GRK1: variants seen among roughly 807,000 people sequenced by gnomAD.
GRK1 encodes rhodopsin kinase GRK1.
In GRK1, 28 loss-of-function variants were observed where a neutral mutation model predicts 41.7. The ratio of observed to expected loss-of-function variants is 0.67; its 90% CI spans 0.50 to 0.92. The LOEUF is 0.92. Among genes scored for constraint, GRK1 ranks in the 40% least tolerant of loss-of-function variants. The pLI is 0.00. For missense variants in GRK1, 703 were observed against 671.2 expected, an observed-to-expected ratio of 1.05 and a Z score of -0.52; for synonymous variants, 327 against 286.7, an observed-to-expected ratio of 1.14 and a Z score of -1.42.
Position 113,737,056 on chromosome 13 carries a change from C to T in GRK1, c.*1693C>T, listed in dbSNP as rs1225609468. 4 of 152,456 alleles carry T rather than the reference C, an allele frequency of 2.6e-5. No individual in the cohort carries two copies. Among genetic ancestry groups the T allele is most frequent in the African/African-American group, 9.6e-5 (4 of 41,472 alleles). The allele number at this position is 152,456 out of a possible 1,614,324, so 9.4% of individuals were successfully genotyped here. On this transcript the variant is annotated 3_prime_UTR_variant, in exon 7 of 7. Transcript: ENST00000335678. ...GCAGTGGGCAGGGCCTATGCCCTCA[C>T]AGTCCTCAGGCTGCCAGGTCGTCCT...
the GRK1 span, chr13:113,652,931 G>A: frequency 1.6e-3 from 2,547 of 1,614,158 alleles, 29 homozygotes; most frequent in African/African-American, 0.027. Flanking sequence ...GTTGGGATCC[G>A]CCAGGCCTGA....
intron 4 of GRK1, among the ~76,000 whole-genome samples, chr13:113,724,691 C>G (rs1036636267): frequency 6.6e-6 from 1 of 152,210 alleles, no homozygotes; most frequent in African/African-American, 2.4e-5. Flanking sequence ...TCGAAGGTCT[C>G]AAAACTTTCT....
At chr13:113,668,324 G>A (rs114916173) in intron 1 of GRK1, among the ~76,000 whole-genome samples, 1,748 of 152,334 alleles carry the variant, frequency 0.011, 35 homozygotes, top group African/African-American at 0.04. Flanking sequence ...GGGTGGGGAC[G>A]TGCCACGTTC....
chr13:113,669,906 T>A, intron 2 of GRK1, 92 bp downstream of exon 2: 1 of 1,509,218 alleles, frequency 6.6e-7, no homozygotes, highest in Non-Finnish European at 9.0e-7. Flanking sequence ...GGCAGAGCCA[T>A]GGTGGCCCCA....
chr13:113,730,538 G>A (rs991347951), intron 4 of GRK1, among the ~76,000 whole-genome samples: 3 of 148,764 alleles, frequency 2.0e-5, no homozygotes, highest in African/African-American at 2.5e-5. Flanking sequence ...CCCCCATCCC[G>A]TGACAGCCTC....
the GRK1 span, chr13:113,649,482 G>A: frequency 1.8e-4 from 275 of 1,555,410 alleles, 1 homozygote; most frequent in African/African-American, 2.3e-3. The surrounding 1 kb of genome is among the most constrained non-coding windows in gnomAD (Gnocchi z 4.7). Flanking sequence ...CGACCTCAGC[G>A]TTCCTGGGGA....
chr13:113,669,777 T>C lies in GRK1; in HGVS notation c.790T>C (p.Cys264Arg). The C allele has an allele frequency of 6.2e-7, 1 of 1,613,968 alleles. No homozygotes were observed. Among genetic ancestry groups the C allele is most frequent in the Non-Finnish European group, 8.5e-7 (1 of 1,179,864 alleles). ...TGCGTTTGAAACCAAAGCCGACCTC[T>C]GTCTGGTGATGACCATCATGAACGG... ...AYAFETKADL[C>R]LVMTIMNGGD... is the part of the protein sequence containing the mutation. The change falls in exon 2 of 7, where the codon TGT (cysteine) becomes CGT (arginine). Residue 264 changes from cysteine to arginine, a missense_variant. Coordinates refer to ENST00000335678, the MANE Select transcript of GRK1 (RefSeq NM_002929.3).
chr13:113,668,137 G>A, intron 1 of GRK1, 52 bp downstream of exon 1: 1 of 1,539,604 alleles, frequency 6.5e-7, no homozygotes, highest in Non-Finnish European at 8.8e-7. Flanking sequence ...TGCAGGGATG[G>A]GGCGGCAGGG....
At chr13:113,665,857 C>T (rs2049814689), upstream of GRK1, among the ~76,000 whole-genome samples, 1 of 150,202 alleles carries the variant, frequency 6.7e-6, no homozygotes, top group Non-Finnish European at 1.5e-5. Context: ...CAAGCTGTCC[C>T]AGGTGTGTCC....
At chr13:113,724,640 G>C (rs373481569) in intron 4 of GRK1, among the ~76,000 whole-genome samples, 1 of 152,234 alleles carries the variant, frequency 6.6e-6, no homozygotes, top group African/African-American at 2.4e-5. Context: ...TTGCCATCTG[G>C]ATGTGGGATT....
At chr13:113,733,578 T>C (rs1316060543) in intron 6 of GRK1, among the ~76,000 whole-genome samples, 1 of 151,532 alleles carries the variant, frequency 6.6e-6, no homozygotes, top group Non-Finnish European at 1.5e-5. Flanking sequence ...TGTGTATGTG[T>C]GTGCATACGT....
the GRK1 span, among the ~76,000 whole-genome samples, chr13:113,657,058 G>C: frequency 6.6e-6 from 1 of 152,244 alleles, no homozygotes. Flanking sequence ...CTTTGAGACC[G>C]TGGAGCCTCC....
chr13:113,671,615 A>G lies in GRK1; in HGVS notation c.944A>G (p.Tyr315Cys). ...LEHLHQRRIVYRDLKPENVLL... is the reference protein window; with the variant it reads ...LEHLHQRRIVCRDLKPENVLL... ...CACCTGCACCAGAGGCGGATCGTCT[A>G]CCGCGACCTCAAGCCCGAGAACGTG... Residue 315 changes from tyrosine (Y) to cysteine (C), a missense_variant, in exon 3 of 7, where the codon TAC (tyrosine) becomes TGC (cysteine). Physicochemically the swap from Tyr to Cys is radical, Grantham distance 194. Coordinates refer to ENST00000335678, the MANE Select transcript of GRK1 (RefSeq NM_002929.3). The surrounding 1 kb of genome is among the most constrained non-coding windows in gnomAD (Gnocchi z 4.1). 1.3e-6 allele frequency: 1 copy of G among 771,514 alleles called. No homozygotes were observed. 47.8% of individuals were successfully genotyped at this position (771,514 alleles called of 1,614,324 possible).
At chr13:113,654,684 T>G in the GRK1 span, 2 of 1,412,684 alleles carry the variant, frequency 1.4e-6, no homozygotes. Flanking sequence ...TGGCTCACCC[T>G]GGGGCTGCCG....
At position 113,667,426 on chromosome 13, in the gene GRK1, G is replaced by C; in HGVS notation, c.40G>C (p.Ala14Pro). ...TTTGGAGACCGTGGTGGCCAACTCT[G>C]CCTTCATCGCCGCCCGAGGCAGCTT... Reference protein sequence around the residue: ...GSLETVVANSAFIAARGSFDG... With the variant: ...GSLETVVANSPFIAARGSFDG... Residue 14 changes from alanine to proline, a missense_variant, in exon 1 of 7, where the codon GCC becomes CCC. By Grantham distance (27) the Ala-to-Pro change is conservative. Transcript: ENST00000335678. This position sits in a 1 kb window ranked among gnomAD's most constrained non-coding sequence, Gnocchi z 7.5. The C allele has an allele frequency of 6.2e-7, 1 of 1,602,052 alleles. No homozygotes were observed. Among genetic ancestry groups the C allele is most frequent in the African/African-American group, 1.3e-5 (1 of 74,710 alleles).
chr13:113,653,048 T>A, the GRK1 span: 6 of 1,612,394 alleles, frequency 3.7e-6, no homozygotes, highest in Non-Finnish European at 5.1e-6. Context: ...GTTGATGCTG[T>A]CCTCCTGGGC....
intron 6 of GRK1, among the ~76,000 whole-genome samples, chr13:113,734,014 A>ATG (rs553234954): frequency 0.045 from 4,429 of 97,376 alleles, 264 homozygotes; most frequent in African/African-American, 0.19. Context: ...GTGTGCGTGC[A>ATG]TGTGTGTGCG....
intron 4 of GRK1, among the ~76,000 whole-genome samples, chr13:113,728,954 G>A (rs905435729): frequency 6.6e-6 from 1 of 152,108 alleles, no homozygotes; most frequent in African/African-American, 2.4e-5. Context: ...ATGCCAGCCT[G>A]AGCAGCGTGG....
chr13:113,728,605 T>C (rs1030357759), intron 4 of GRK1, among the ~76,000 whole-genome samples: 4 of 152,150 alleles, frequency 2.6e-5, no homozygotes, highest in Non-Finnish European at 5.9e-5. Context: ...ATGGCAGCAT[T>C]GCAGCGGGGC....
Sources: allele counts gnomAD v4.1 joint callset (sites outside exome capture counted in the v4.1 genomes callset), GRCh38; gene constraint gnomAD v4.1.1; non-coding constraint Gnocchi (gnomAD v3.1); transcripts MANE v1.5; gene names NCBI Gene and HGNC (gene_info 2026-07-23, HGNC 2026-07-21).